PDE1C: variants seen among roughly 807,000 people sequenced by gnomAD.
PDE1C encodes dual specificity calcium/calmodulin-dependent 3',5'-cyclic nucleotide phosphodiesterase 1C.
Under a neutral mutation model 93.1 loss-of-function variants are expected in PDE1C, and 62 were observed. The ratio of observed to expected loss-of-function variants is 0.67; its 90% CI spans 0.54 to 0.82. PDE1C has a LOEUF of 0.82. PDE1C is among the 40% of genes least tolerant of loss of function. PDE1C has a pLI of 0.00. For missense variants in PDE1C, 742 were observed against 884.6 expected (o/e 0.84, Z 2.04); for synonymous variants, 325 against 310.1 (o/e 1.05, Z -0.50).
chr7:32,410,322 C>T (rs1294022687), intron 1 of PDE1C, among the ~76,000 whole-genome samples: 4 of 145,276 alleles, frequency 2.8e-5, no homozygotes, highest in African/African-American at 1.1e-4. Flanking sequence ...CAGAGTGAGA[C>T]CCGCATCTCT....
chr7:32,394,426 T>A (rs143089313), intron 1 of PDE1C, among the ~76,000 whole-genome samples: 3 of 152,184 alleles, frequency 2.0e-5, no homozygotes, highest in African/African-American at 7.2e-5. Flanking sequence ...GTTTGGGTGA[T>A]GGGGGAGGAT....
the PDE1C span, among the ~76,000 whole-genome samples, chr7:31,634,184 A>G: frequency 2.0e-5 from 3 of 152,190 alleles, no homozygotes; most frequent in Admixed American, 6.5e-5. Context: ...AAGTCAGTAG[A>G]GTAGTCCTGC....
chr7:31,875,314 A>G (rs543524087), intron 5 of PDE1C, among the ~76,000 whole-genome samples: 1 of 152,320 alleles, frequency 6.6e-6, no homozygotes, highest in South Asian at 2.1e-4. Context: ...TCTGAATATC[A>G]GGACTTAGAG....
chr7:32,286,561 G>C (rs183281864), intron 1 of PDE1C, among the ~76,000 whole-genome samples: 1 of 152,336 alleles, frequency 6.6e-6, no homozygotes, highest in East Asian at 1.9e-4. Flanking sequence ...AATAGGCCAT[G>C]CTGTAAAATA....
At chr7:31,670,627 C>T in the PDE1C span, among the ~76,000 whole-genome samples, 3 of 152,140 alleles carry the variant, frequency 2.0e-5, no homozygotes, top group Admixed American at 2.0e-4. Flanking sequence ...AGCTCAAGTC[C>T]TGTCTCTAAA....
At chr7:31,794,419 AATG>A (rs748246858) in intron 16 of PDE1C, among the ~76,000 whole-genome samples, 1 of 151,910 alleles carries the variant, frequency 6.6e-6, no homozygotes, top group Non-Finnish European at 1.5e-5. Context: ...TGAAAATAAC[AATG>A]ATGTTAAACT....
intron 2 of PDE1C, among the ~76,000 whole-genome samples, chr7:31,894,585 C>A (rs7809472): frequency 0.13 from 19,021 of 152,166 alleles, 1,540 homozygotes; most frequent in East Asian, 0.21. Context: ...GTGCAGATTC[C>A]TTCTTTCTCT....
At chr7:31,919,491 G>C (rs1251856887) in intron 2 of PDE1C, among the ~76,000 whole-genome samples, 3 of 151,998 alleles carry the variant, frequency 2.0e-5, no homozygotes, top group East Asian at 3.8e-4. Flanking sequence ...TATTGAGAAA[G>C]GTAGTTGAGG....
chr7:32,098,229 CAA>C (rs60146342), intron 3 of PDE1C, among the ~76,000 whole-genome samples: 5 of 46,282 alleles, frequency 1.1e-4, no homozygotes, highest in South Asian at 1.1e-3. Context: ...GACTCCGTCT[CAA>C]AAAAAAAAAA....
chr7:31,786,325 C>T (rs1377488332), intron 16 of PDE1C: 2 of 150,562 alleles, frequency 1.3e-5, no homozygotes, highest in Non-Finnish European at 3.0e-5. Flanking sequence ...AATCAAGAGG[C>T]CATAGAGAAG....
At position 31,877,928 on chromosome 7, in the gene PDE1C, T is replaced by A. The variant is rs768298318; in HGVS notation, c.492+42A>T. 3.8e-6 allele frequency: 5 copies of A among 1,300,040 alleles called. No homozygotes were observed. In the Admixed American group the frequency reaches 9.9e-5, roughly 26 times the overall value. 80.5% of individuals were successfully genotyped at this position (1,300,040 alleles called of 1,614,324 possible). Reference sequence around the variant, plus strand: ...CTAACAAATTTAACTCTACTTTTTATTAGGTACCATGTACATTGTAAAATC... The same window carrying A: ...CTAACAAATTTAACTCTACTTTTTAATAGGTACCATGTACATTGTAAAATC... On this transcript the variant is annotated intron_variant, in intron 5 of 17. Transcript: ENST00000396191.
chr7:31,931,624 G>A (rs986174250), intron 2 of PDE1C, among the ~76,000 whole-genome samples: 1 of 152,148 alleles, frequency 6.6e-6, no homozygotes, highest in Non-Finnish European at 1.5e-5. Flanking sequence ...CCATGCTCAT[G>A]GATAGGAAGA....
chr7:32,081,937 A>G (rs1459648424), intron 3 of PDE1C, among the ~76,000 whole-genome samples: 1 of 152,198 alleles, frequency 6.6e-6, no homozygotes, highest in Non-Finnish European at 1.5e-5. Context: ...TGAGCGACGC[A>G]GAAGATGGGT....
intron 2 of PDE1C, among the ~76,000 whole-genome samples, chr7:31,968,684 G>C (rs1194560864): frequency 2.0e-5 from 3 of 152,168 alleles, no homozygotes; most frequent in Non-Finnish European, 4.4e-5. Context: ...AAAGCTGGAG[G>C]CATCATGCTA....
intron 3 of PDE1C, among the ~76,000 whole-genome samples, chr7:32,166,087 A>G (rs185423289): frequency 6.6e-6 from 1 of 152,146 alleles, no homozygotes; most frequent in African/African-American, 2.4e-5. Context: ...AGCGGTGGAT[A>G]TGTTATTTAG....
chr7:32,117,496 A>G (rs1385471792), intron 3 of PDE1C, among the ~76,000 whole-genome samples: 2 of 152,352 alleles, frequency 1.3e-5, no homozygotes, highest in South Asian at 4.1e-4. Flanking sequence ...CTGGAACCTA[A>G]GCCTTCTGAC....
intron 6 of PDE1C, among the ~76,000 whole-genome samples, chr7:31,868,733 C>A (rs118085054): frequency 6.6e-6 from 1 of 152,184 alleles, no homozygotes; most frequent in East Asian, 1.9e-4. Flanking sequence ...AAGATCTCCA[C>A]AGCACATTAG....
chr7:31,835,474 A>G (rs563457530), intron 11 of PDE1C, among the ~76,000 whole-genome samples: 1 of 152,128 alleles, frequency 6.6e-6, no homozygotes, highest in African/African-American at 2.4e-5. Context: ...TTAACCATAA[A>G]CTAAATAGGG....
At chr7:32,070,655 G>T (rs1035322362), upstream of PDE1C, 8 of 1,362,366 alleles carry the variant, frequency 5.9e-6, no homozygotes, top group Non-Finnish European at 7.6e-6. Context: ...TAAGCACAGG[G>T]ATAGGGATAG....
Sources: allele counts gnomAD v4.1 joint callset (sites outside exome capture counted in the v4.1 genomes callset), GRCh38; gene constraint gnomAD v4.1.1; transcripts MANE v1.5; gene names NCBI Gene and HGNC (gene_info 2026-07-23, HGNC 2026-07-21).